Variants in NCKAP5 observed in about 807,000 individuals in gnomAD.
NCKAP5 encodes the protein nck-associated protein 5.
In NCKAP5, 92 loss-of-function variants were observed where a neutral mutation model predicts 167.0. The ratio of observed to expected loss-of-function variants is 0.55; its 90% CI spans 0.47 to 0.66. NCKAP5 has a LOEUF of 0.66. Among genes scored for constraint, NCKAP5 ranks in the 30% least tolerant of loss-of-function variants. The pLI is 0.00. For missense variants in NCKAP5, 2,378 were observed against 2,315.0 expected, an observed-to-expected ratio of 1.03 and a Z score of -0.56; for synonymous variants, 891 against 877.4, an observed-to-expected ratio of 1.02 and a Z score of -0.27.
intron 3 of NCKAP5, among the ~76,000 whole-genome samples, chr2:133,375,637 C>T (rs143387030): frequency 2.6e-5 from 4 of 152,274 alleles, no homozygotes; most frequent in African/African-American, 4.8e-5. Context: ...TGTTCTCATC[C>T]CCATGTCCAC....
At chr2:133,244,948 G>T (rs551118256) in intron 4 of NCKAP5, among the ~76,000 whole-genome samples, 160 of 152,280 alleles carry the variant, frequency 1.1e-3, no homozygotes, top group African/African-American at 3.7e-3. Flanking sequence ...AAGCATAAAG[G>T]ACTTTATTAA....
intron 5 of NCKAP5, among the ~76,000 whole-genome samples, chr2:133,208,419 G>T (rs1033249519): frequency 6.6e-6 from 1 of 152,122 alleles, no homozygotes; most frequent in Non-Finnish European, 1.5e-5. Context: ...TTAACTCATG[G>T]TTTACTTCCC....
chr2:132,882,779 G>T (rs2148827184), intron 8 of NCKAP5, among the ~76,000 whole-genome samples: 1 of 152,212 alleles, frequency 6.6e-6, no homozygotes, highest in African/African-American at 2.4e-5. Flanking sequence ...CTATATTAAA[G>T]GGTATATATT....
the NCKAP5 span, among the ~76,000 whole-genome samples, chr2:133,593,657 C>T: frequency 6.6e-6 from 1 of 152,004 alleles, no homozygotes; most frequent in African/African-American, 2.4e-5. Context: ...CAATCTTGCC[C>T]AAGTTACTTT....
chr2:133,324,055 C>T (rs1392910284), intron 3 of NCKAP5, among the ~76,000 whole-genome samples: 1 of 152,236 alleles, frequency 6.6e-6, no homozygotes, highest in East Asian at 1.9e-4. Context: ...TCTAAAAATA[C>T]CTGCCTTCAC....
intron 8 of NCKAP5, among the ~76,000 whole-genome samples, chr2:132,938,928 C>T (rs1697059959): frequency 6.6e-6 from 1 of 152,116 alleles, no homozygotes; most frequent in East Asian, 1.9e-4. Flanking sequence ...AGTACAGCTG[C>T]AACATTCAAA....
At position 133,552,358 on chromosome 2, in the gene NCKAP5, A is replaced by G. The variant is rs1206675503; in HGVS notation, c.-62+6692T>C. Among the ~76,000 whole-genome samples the G allele has an allele frequency of 2.3e-3, 291 of 123,914 alleles. No individual in the cohort carries two copies. The Middle Eastern group carries it at 0.024, about 10-fold the overall frequency. 81.3% of individuals were successfully genotyped at this position (123,914 alleles called of 152,430 possible). Reference sequence around the variant, plus strand: ...TTGGAACCAACCCAAATGTCCAACAATGATAGACTGGATTAAGAAAATGTG... The same window carrying G: ...TTGGAACCAACCCAAATGTCCAACAGTGATAGACTGGATTAAGAAAATGTG... On this transcript the variant is annotated intron_variant, in intron 2 of 19. Coordinates refer to ENST00000409261, the MANE Select transcript of NCKAP5 (RefSeq NM_207363.3).
At chr2:132,776,608 A>G (rs1682572291) in intron 15 of NCKAP5, among the ~76,000 whole-genome samples, 1 of 152,166 alleles carries the variant, frequency 6.6e-6, no homozygotes, top group South Asian at 2.1e-4. Context: ...GCAGCAAGAA[A>G]ATGGAAAGTG....
chr2:132,719,147 C>T (rs1689665970), intron 19 of NCKAP5, among the ~76,000 whole-genome samples: 1 of 151,576 alleles, frequency 6.6e-6, no homozygotes, highest in Admixed American at 6.6e-5. Context: ...GTGTTCAGGA[C>T]ATGCATAAAC....
intron 3 of NCKAP5, among the ~76,000 whole-genome samples, chr2:133,304,256 G>C (rs1680613586): frequency 6.6e-6 from 1 of 152,142 alleles, no homozygotes; most frequent in South Asian, 2.1e-4. Context: ...AAAGGGACCA[G>C]TCCTGATTTC....
At chr2:133,105,399 G>C (rs1214069569) in intron 6 of NCKAP5, among the ~76,000 whole-genome samples, 1 of 152,152 alleles carries the variant, frequency 6.6e-6, no homozygotes, top group African/African-American at 2.4e-5. Context: ...TTTAGTTTGG[G>C]AAATTCTAAT....
chr2:133,627,946 A>G, the NCKAP5 span, among the ~76,000 whole-genome samples: 3 of 152,148 alleles, frequency 2.0e-5, no homozygotes, highest in South Asian at 6.2e-4. Context: ...GGCCAACCAG[A>G]CTTGAGAAAT....
intron 6 of NCKAP5, among the ~76,000 whole-genome samples, chr2:133,055,499 A>G (rs1339354488): frequency 6.7e-6 from 1 of 150,208 alleles, no homozygotes; most frequent in East Asian, 1.9e-4. Flanking sequence ...TAGTTTATAT[A>G]TATATGAATA....
chr2:133,464,033 T>C (rs1302110052), intron 3 of NCKAP5, among the ~76,000 whole-genome samples: 1 of 152,094 alleles, frequency 6.6e-6, no homozygotes, highest in Non-Finnish European at 1.5e-5. Context: ...TCATGTGGAG[T>C]GACTGCAAAC....
chr2:133,357,135 C>T lies in NCKAP5; in HGVS notation c.70-54025G>A, dbSNP rs552494473. Among the ~76,000 whole-genome samples the T allele has an allele frequency of 5.9e-5, 9 of 152,278 alleles. No homozygotes were observed. The South Asian group carries it at 1.9e-3, about 32-fold the overall frequency. On this transcript the variant is annotated intron_variant, in intron 3 of 19. Coordinates refer to ENST00000409261, the MANE Select transcript of NCKAP5 (RefSeq NM_207363.3). ...TTTATACTCAGAAGGGTCCCTATTA[C>T]CTAGTGGGCCCTCAAAAATATTTGA...
Position 133,297,166 on chromosome 2 carries a change from AGTGTGT to A in NCKAP5, c.143+5865_143+5870del, listed in dbSNP as rs60321858. Among the ~76,000 whole-genome samples the A allele has an allele frequency of 2.0e-3, 286 of 142,158 alleles. 1 individual carries two copies. Among genetic ancestry groups the A allele is most frequent in the Middle Eastern group, 7.1e-3 (2 of 280 alleles). 93.3% of individuals were successfully genotyped at this position (142,158 alleles called of 152,430 possible). On this transcript the variant is annotated intron_variant, in intron 4 of 19. Transcript: ENST00000409261. ...CCTGAACTAGTATACAGGTTGTCAC[AGTGTGT>A]GTGTGTGTGTGTGTGTGTGTGTGTG...
At chr2:132,880,397 A>G (rs1691654011) in intron 8 of NCKAP5, among the ~76,000 whole-genome samples, 1 of 152,182 alleles carries the variant, frequency 6.6e-6, no homozygotes, top group Non-Finnish European at 1.5e-5. Context: ...TGGGAGGCAG[A>G]GGCAGGTGCA....
the NCKAP5 span, among the ~76,000 whole-genome samples, chr2:133,656,531 G>A: frequency 6.6e-6 from 1 of 152,130 alleles, no homozygotes; most frequent in Admixed American, 6.5e-5. Context: ...AGCCTAAAGT[G>A]GTCATGGGGG....
At chr2:133,226,539 G>T (rs1050976389) in intron 4 of NCKAP5, among the ~76,000 whole-genome samples, 5 of 150,938 alleles carry the variant, frequency 3.3e-5, no homozygotes, top group Non-Finnish European at 7.4e-5. Flanking sequence ...TTTAAATGAG[G>T]TCACTAGAAT....
Sources: gnomAD v4.1 joint callset for allele counts (sites outside exome capture counted in the v4.1 genomes callset) on GRCh38, gnomAD v4.1.1 for gene constraint, MANE v1.5 for transcripts, NCBI Gene and HGNC (gene_info 2026-07-23, HGNC 2026-07-21) for gene names.